PSMF1: variants seen among roughly 807,000 people sequenced by gnomAD.
PSMF1 encodes the protein proteasome inhibitor PI31 subunit.
A neutral mutation model predicts 29.3 loss-of-function variants in PSMF1; 30 were observed. The ratio of observed to expected loss-of-function variants is 1.02; its 90% CI spans 0.77 to 1.39. The LOEUF is 1.39. Among genes scored for constraint, PSMF1 ranks in the 40% most tolerant of loss-of-function variants. The probability of loss-of-function intolerance (pLI) is 0.00; values close to 1 mark genes in which losing one functional copy is unlikely to be tolerated. For synonymous variants in PSMF1, 134 were observed against 139.7 expected, an observed-to-expected ratio of 0.96 and a Z score of 0.29; for missense variants, 344 against 357.5, an observed-to-expected ratio of 0.96 and a Z score of 0.31.
chr20:1,146,881 CTAGTA>C (rs778159207), intron 4 of PSMF1, among the ~76,000 whole-genome samples: 12 of 152,144 alleles, frequency 7.9e-5, no homozygotes, highest in Non-Finnish European at 1.3e-4. Flanking sequence ...ATTCAGTGGT[CTAGTA>C]ACTGGTCACT....
At position 1,125,621 on chromosome 20, in the gene PSMF1, G is replaced by T; in HGVS notation, c.253G>T (p.Val85Leu). ...AAAGCTCCTTGTGAAAGCCATCACC[G>T]TGGAGAGCAGCATGATCCTCAATGT... is the stretch of plus-strand genomic sequence containing the variant. Reference protein sequence around the residue: ...SRKLLVKAITVESSMILNVLE... With the variant: ...SRKLLVKAITLESSMILNVLE... Residue 85 changes from valine (V) to leucine (L), a missense_variant, in exon 2 of 7, where the codon GTG (valine) becomes TTG (leucine). Val to Leu is a conservative substitution (Grantham distance 32, BLOSUM62 1). Transcript: ENST00000335877. The T allele has an allele frequency of 1.2e-6, 2 of 1,613,598 alleles. No homozygotes were observed. Among genetic ancestry groups the T allele is most frequent in the African/African-American group, 2.7e-5 (2 of 75,042 alleles).
In PSMF1 at chr20:1,165,328, A is replaced by G; in HGVS notation, c.*248A>G. Reference sequence around the variant, plus strand: ...TTTCACCATCAGCTCCTCCCCTTTCACCACCAGCTCCTCTCCACTTCCCAA... The same window carrying G: ...TTTCACCATCAGCTCCTCCCCTTTCGCCACCAGCTCCTCTCCACTTCCCAA... On this transcript the variant is annotated 3_prime_UTR_variant, in exon 7 of 7. Coordinates refer to ENST00000335877, the MANE Select transcript of PSMF1 (RefSeq NM_006814.5). The G allele has an allele frequency of 7.2e-7, 1 of 1,384,056 alleles. No individual in the cohort carries two copies. The highest frequency in any genetic ancestry group is 1.7e-5 in the South Asian group (1 of 58,926). The allele number at this position is 1,384,056 out of a possible 1,614,324, so 85.7% of individuals were successfully genotyped here.
rs375788504 is a variant in PSMF1 at position 1,163,138 on chromosome 20, C to A, written c.560C>A (p.Pro187His). 6.2e-7 allele frequency: 1 copy of A among 1,614,090 alleles called. No homozygotes were observed. The highest frequency in any genetic ancestry group is 8.5e-7 in the Non-Finnish European group (1 of 1,180,014). ...HTSRQPPWCD[P>H]LGPFVVGGED... ...TCTCTTGTTTGTTTCAGGTGTGATC[C>A]CCTGGGCCCGTTTGTTGTCGGGGGA... The change falls in exon 5 of 7, where the codon CCC becomes CAC. Residue 187 changes from proline (P) to histidine (H), a missense_variant. Coordinates refer to ENST00000335877, the MANE Select transcript of PSMF1 (RefSeq NM_006814.5). This position sits in a 1 kb window ranked among gnomAD's most constrained non-coding sequence, Gnocchi z 6.1.
At chr20:1,126,809 G>T (rs908208556) in intron 2 of PSMF1, among the ~76,000 whole-genome samples, 4 of 152,152 alleles carry the variant, frequency 2.6e-5, no homozygotes, top group Non-Finnish European at 5.9e-5. Context: ...AACCCAAGAG[G>T]CAGAGTTTGC....
At chr20:1,150,587 C>T (rs187522708) in intron 4 of PSMF1, among the ~76,000 whole-genome samples, 9 of 152,134 alleles carry the variant, frequency 5.9e-5, no homozygotes, top group Admixed American at 5.9e-4. Context: ...AATCAAATCT[C>T]TTGTTCATTT....
At chr20:1,139,503 A>G (rs187074816) in intron 4 of PSMF1, among the ~76,000 whole-genome samples, 1 of 152,268 alleles carries the variant, frequency 6.6e-6, no homozygotes, top group East Asian at 1.9e-4. Flanking sequence ...CCTCCGAAAA[A>G]CAGAACTAAG....
intron 4 of PSMF1, among the ~76,000 whole-genome samples, chr20:1,137,932 T>C (rs1179685537): frequency 6.6e-6 from 1 of 152,160 alleles, no homozygotes; most frequent in Non-Finnish European, 1.5e-5. Flanking sequence ...GAGTAAGGTG[T>C]TGGGGAGGGG....
chr20:1,171,158 T>G lies in PSMF1; in HGVS notation c.*6078T>G, dbSNP rs2086786323. The stretch of plus-strand genomic sequence containing the variant: ...ATAATCCCCAGGATGGTCTTAAGGC[T>G]CCTCAGTCAGTCCTATTTGCACAGC... On this transcript the variant is annotated 3_prime_UTR_variant, in exon 7 of 7. Coordinates refer to ENST00000335877, the MANE Select transcript of PSMF1 (RefSeq NM_006814.5). 6.6e-6 allele frequency among the ~76,000 whole-genome samples: 1 copy of G among 152,018 alleles called. No individual in the cohort carries two copies. The highest frequency in any genetic ancestry group is 2.1e-4 in the South Asian group (1 of 4,824).
At chr20:1,147,638 C>T (rs181942682) in intron 4 of PSMF1, among the ~76,000 whole-genome samples, 3 of 152,232 alleles carry the variant, frequency 2.0e-5, no homozygotes, top group African/African-American at 7.2e-5. Context: ...TTTTCTTAGC[C>T]TCTAGCAAAT....
In PSMF1 at chr20:1,164,690, C is replaced by T. The variant is rs2086707162; in HGVS notation, c.764+214C>T. ...CTCAGTGCCTCTCTTTCCCCAGCTCCACTCTGGGGAGGACTCAAAGTAGGA... is the reference window on the plus strand; with the variant it reads ...CTCAGTGCCTCTCTTTCCCCAGCTCTACTCTGGGGAGGACTCAAAGTAGGA... On this transcript the variant is annotated intron_variant, in intron 6 of 6. Transcript: ENST00000335877. The surrounding 1 kb of genome is among the most constrained non-coding windows in gnomAD (Gnocchi z 4.1). 6.6e-6 allele frequency among the ~76,000 whole-genome samples: 1 copy of T among 152,168 alleles called. No individual in the cohort carries two copies. The highest frequency in any genetic ancestry group is 2.1e-4 in the South Asian group (1 of 4,834).
At chr20:1,153,327 G>C (rs1006198710) in intron 4 of PSMF1, among the ~76,000 whole-genome samples, 1 of 152,074 alleles carries the variant, frequency 6.6e-6, no homozygotes, top group African/African-American at 2.4e-5. Context: ...GCAGAATTCA[G>C]TTCCTTGCGG....
intron 4 of PSMF1, among the ~76,000 whole-genome samples, chr20:1,139,855 G>A (rs554967011): frequency 7.9e-5 from 12 of 152,114 alleles, no homozygotes; most frequent in Admixed American, 3.9e-4. Context: ...AATATAATAC[G>A]TAAAAATAAA....
intron 4 of PSMF1, among the ~76,000 whole-genome samples, chr20:1,158,894 G>A (rs1227713531): frequency 6.7e-6 from 1 of 149,780 alleles, no homozygotes; most frequent in Non-Finnish European, 1.5e-5. Flanking sequence ...TTTACTCTGA[G>A]TTCATAAAAA....
At position 1,152,883 on chromosome 20, in the gene PSMF1, A is replaced by G. The variant is rs117578515; in HGVS notation, c.552-10247A>G. On this transcript the variant is annotated intron_variant, in intron 4 of 6. Coordinates refer to ENST00000335877, the MANE Select transcript of PSMF1 (RefSeq NM_006814.5). Reference sequence around the variant, plus strand: ...TTCTGATTTGGGACTGCCATAACTAATGCTTCAGTAGACATACTTTTATGC... The same window carrying G: ...TTCTGATTTGGGACTGCCATAACTAGTGCTTCAGTAGACATACTTTTATGC... Among the ~76,000 whole-genome samples the G allele has an allele frequency of 5.6e-3, 846 of 152,306 alleles. 3 individuals carry two copies. The highest frequency in any genetic ancestry group is 0.01 in the Middle Eastern group (3 of 294).
At position 1,156,302 on chromosome 20, in the gene PSMF1, G is replaced by A. The variant is rs140717234; in HGVS notation, c.552-6828G>A. ...TAAAAGGTCTAACATTGGGGCCACT[G>A]GAAGAGAAGGAGAAGAGGAGGAGAA... On this transcript the variant is annotated intron_variant, in intron 4 of 6. Transcript: ENST00000335877. Among the ~76,000 whole-genome samples, 98 of 152,256 alleles carry A rather than the reference G, an allele frequency of 6.4e-4. 1 individual carries two copies. The highest frequency in any genetic ancestry group is 2.3e-3 in the African/African-American group (96 of 41,554).
At chr20:1,118,382 AC>A (rs2086032627), upstream of PSMF1, 1 of 187,402 alleles carries the variant, frequency 5.3e-6, no homozygotes, top group Admixed American at 5.8e-5. Context: ...GGCCTAGCAT[AC>A]CCCATTTTGT....
At chr20:1,132,528 G>C (rs765818838) in intron 3 of PSMF1, among the ~76,000 whole-genome samples, 6 of 152,008 alleles carry the variant, frequency 3.9e-5, no homozygotes, top group Non-Finnish European at 8.8e-5. Flanking sequence ...ACCCATCTTA[G>C]CCTCCCAAAG....
At position 1,157,600 on chromosome 20, in the gene PSMF1, A is replaced by G. The variant is rs140882209; in HGVS notation, c.552-5530A>G. On this transcript the variant is annotated intron_variant, in intron 4 of 6. Transcript: ENST00000335877. ...GATGCTTTCTTAATTAAGTGTATGCATGCACAAACATGTTTTTAACAAAAG... is the reference window on the plus strand; with the variant it reads ...GATGCTTTCTTAATTAAGTGTATGCGTGCACAAACATGTTTTTAACAAAAG... Among the ~76,000 whole-genome samples, 219 of 152,280 alleles carry G rather than the reference A, an allele frequency of 1.4e-3. 5 individuals are homozygous for G. In the East Asian group the frequency reaches 0.039, roughly 27 times the overall value.
chr20:1,145,839 A>T (rs749801245), intron 4 of PSMF1, among the ~76,000 whole-genome samples: 1 of 152,052 alleles, frequency 6.6e-6, no homozygotes, highest in Non-Finnish European at 1.5e-5. Context: ...TCCTGCCCCA[A>T]CCTGGTTTTG....
Sources: allele counts gnomAD v4.1 joint callset (sites outside exome capture counted in the v4.1 genomes callset), GRCh38; gene constraint gnomAD v4.1.1; non-coding constraint Gnocchi (gnomAD v3.1); transcripts MANE v1.5; gene names NCBI Gene and HGNC (gene_info 2026-07-23, HGNC 2026-07-21).